ADGRB3: variants seen among roughly 807,000 people sequenced by gnomAD.
The protein encoded by ADGRB3 is brain-specific angiogenesis inhibitor 3.
A neutral mutation model predicts 193.4 loss-of-function variants in ADGRB3; 37 were observed. That is an observed-to-expected ratio of 0.19 (90% CI 0.15 to 0.25). The LOEUF (loss-of-function observed/expected upper bound fraction) is 0.25, where lower values mean the gene tolerates loss of function less well. ADGRB3 is among the 10% of genes least tolerant of loss of function. The pLI is 1.00. For synonymous variants in ADGRB3, 690 were observed against 644.2 expected (o/e 1.07, Z -1.08); for missense variants, 1,637 against 1,852.9 (o/e 0.88, Z 2.14).
At chr6:68,815,175 G>A (rs1213901663) in intron 3 of ADGRB3, among the ~76,000 whole-genome samples, 2 of 152,118 alleles carry the variant, frequency 1.3e-5, no homozygotes, top group Admixed American at 1.3e-4. Flanking sequence ...AAGGCAGTTA[G>A]TTTCCCAGTC....
rs12192643 is a variant in ADGRB3 at position 68,836,872 on chromosome 6, T to G, written c.758-93687T>G. Among the ~76,000 whole-genome samples, 1,329 of 152,316 alleles carry G rather than the reference T, an allele frequency of 8.7e-3. 13 individuals are homozygous for G. The highest frequency in any genetic ancestry group is 0.015 in the Non-Finnish European group (997 of 68,024). The stretch of plus-strand genomic sequence containing the variant: ...AAATGTGAAGGTGGAATGAAGTTAT[T>G]CATGAAAATATGATGCATGGAACTT... On this transcript the variant is annotated intron_variant, in intron 3 of 31. Transcript: ENST00000370598.
intron 20 of ADGRB3, among the ~76,000 whole-genome samples, chr6:69,261,811 G>A (rs888531713): frequency 5.9e-5 from 9 of 151,896 alleles, no homozygotes; most frequent in African/African-American, 1.4e-4. Context: ...GGTAGATACC[G>A]AAATATGACC....
chr6:69,291,617 A>G (rs1767683786), intron 20 of ADGRB3, among the ~76,000 whole-genome samples: 2 of 152,140 alleles, frequency 1.3e-5, no homozygotes, highest in Admixed American at 6.5e-5. Context: ...CATTTTCTAT[A>G]TTCCTTAACC....
At chr6:68,966,095 G>A (rs1472988227) in intron 8 of ADGRB3, among the ~76,000 whole-genome samples, 1 of 151,974 alleles carries the variant, frequency 6.6e-6, no homozygotes, top group East Asian at 1.9e-4. Context: ...TCAGGGTCTC[G>A]CTAGCACATA....
chr6:68,993,755 T>C lies in ADGRB3; in HGVS notation c.1735-13T>C, dbSNP rs1769305345. ...AGATTCTGATGTTTGCTCTGTTCTTTTGACCATCACAGATTAAAGAGCACC... is the reference window on the plus strand; with the variant it reads ...AGATTCTGATGTTTGCTCTGTTCTTCTGACCATCACAGATTAAAGAGCACC... On this transcript the variant is annotated splice_polypyrimidine_tract_variant and intron_variant, in intron 10 of 31. Coordinates refer to ENST00000370598, the MANE Select transcript of ADGRB3 (RefSeq NM_001704.3). The C allele has an allele frequency of 6.2e-7, 1 of 1,607,226 alleles. No homozygotes were observed. Among genetic ancestry groups the C allele is most frequent in the South Asian group, 1.1e-5 (1 of 90,422 alleles).
rs1388412802 is a variant in ADGRB3, at chr6:68,635,397, T to C, written c.-791T>C. Reference sequence around the variant, plus strand: ...CGACATCACCAGCCAAGGATTTTTTTCCCCGCTCTCCTTAGTCGCCGTCCG... The same window carrying C: ...CGACATCACCAGCCAAGGATTTTTTCCCCCGCTCTCCTTAGTCGCCGTCCG... On this transcript the variant is annotated 5_prime_UTR_variant, in exon 1 of 32. Coordinates refer to ENST00000370598, the MANE Select transcript of ADGRB3 (RefSeq NM_001704.3). 6.6e-6 allele frequency: 1 copy of C among 152,144 alleles called. No homozygotes were observed. The highest frequency in any genetic ancestry group is 2.4e-5 in the African/African-American group (1 of 41,336). The allele number at this position is 152,144 out of a possible 1,614,324, so 9.4% of individuals were successfully genotyped here. A position where few individuals can be genotyped will look rare whatever the true frequency, so the allele number is the denominator to read the frequency against.
intron 19 of ADGRB3, among the ~76,000 whole-genome samples, chr6:69,236,448 G>A (rs1276049587): frequency 2.0e-5 from 3 of 151,900 alleles, no homozygotes; most frequent in East Asian, 3.9e-4. Flanking sequence ...AGAATCTTGG[G>A]TTCAGGGCTC....
intron 17 of ADGRB3, among the ~76,000 whole-genome samples, chr6:69,141,081 G>A (rs1774323470): frequency 6.8e-6 from 1 of 146,380 alleles, no homozygotes; most frequent in Non-Finnish European, 1.5e-5. Flanking sequence ...GTGAAAGAAA[G>A]AAGACAGGAA....
At position 69,219,461 on chromosome 6, in the gene ADGRB3, G is replaced by GTGTATATATATATATATA. The variant is rs1491200940; in HGVS notation, c.2481-13828_2481-13827insGTATATATATATATATAT. On this transcript the variant is annotated intron_variant, in intron 17 of 31. Coordinates refer to ENST00000370598, the MANE Select transcript of ADGRB3 (RefSeq NM_001704.3). Reference sequence around the variant, plus strand: ...CTTTAACTTAAAAATACACACACACGTATATATATATATATATATATATAT... The same window carrying GTGTATATATATATATATA: ...CTTTAACTTAAAAATACACACACACGTGTATATATATATATATATATATATATATATATATATATATAT... Among the ~76,000 whole-genome samples the GTGTATATATATATATATA allele has an allele frequency of 1.0e-4, 10 of 98,962 alleles. 1 individual carries two copies. Among genetic ancestry groups the GTGTATATATATATATATA allele is most frequent in the African/African-American group, 2.2e-4 (7 of 31,224 alleles). 64.9% of individuals were successfully genotyped at this position (98,962 alleles called of 152,430 possible). A position where few individuals can be genotyped will look rare whatever the true frequency, so the allele number is the denominator to read the frequency against.
intron 3 of ADGRB3, among the ~76,000 whole-genome samples, chr6:68,749,439 T>TGTGTGA: frequency 6.6e-6 from 1 of 151,546 alleles, no homozygotes; most frequent in Non-Finnish European, 1.5e-5. Context: ...TGTGTGTGTG[T>TGTGTGA]GTGTGTGTAT....
intron 17 of ADGRB3, among the ~76,000 whole-genome samples, chr6:69,114,210 T>C (rs1308347420): frequency 6.6e-6 from 1 of 152,160 alleles, no homozygotes. Flanking sequence ...ATTTTACAGA[T>C]AGAAAACCTG....
intron 26 of ADGRB3, among the ~76,000 whole-genome samples, chr6:69,352,163 T>A (rs1474155328): frequency 6.6e-6 from 1 of 152,190 alleles, no homozygotes; most frequent in African/African-American, 2.4e-5. Flanking sequence ...ATAGAAAAAG[T>A]AATGATCTGA....
At chr6:68,786,768 G>A (rs1016441413) in intron 3 of ADGRB3, among the ~76,000 whole-genome samples, 1 of 151,230 alleles carries the variant, frequency 6.6e-6, no homozygotes, top group African/African-American at 2.4e-5. Flanking sequence ...TCACGATATT[G>A]ATTCTTCCTA....
chr6:68,689,962 C>T (rs1765043791), intron 3 of ADGRB3, among the ~76,000 whole-genome samples: 1 of 152,134 alleles, frequency 6.6e-6, no homozygotes, highest in African/African-American at 2.4e-5. Flanking sequence ...CTCACAACTC[C>T]TGCATCAATA....
intron 17 of ADGRB3, among the ~76,000 whole-genome samples, chr6:69,191,958 G>A (rs1765197797): frequency 6.6e-6 from 1 of 152,070 alleles, no homozygotes; most frequent in Non-Finnish European, 1.5e-5. Context: ...AGACTGAGGG[G>A]AGTGAAGGAA....
intron 3 of ADGRB3, among the ~76,000 whole-genome samples, chr6:68,730,026 A>G (rs150324338): frequency 8.0e-4 from 122 of 151,714 alleles, no homozygotes; most frequent in Admixed American, 1.9e-3. Flanking sequence ...ATTTTATTCA[A>G]TCTGCTTACT....
intron 17 of ADGRB3, among the ~76,000 whole-genome samples, chr6:69,209,487 C>A (rs772757229): frequency 1.3e-5 from 2 of 152,178 alleles, no homozygotes; most frequent in Non-Finnish European, 1.5e-5. Context: ...ACCAGTAAGT[C>A]CAGTGTGTTT....
chr6:69,152,102 C>G (rs1440432069), intron 17 of ADGRB3, among the ~76,000 whole-genome samples: 1 of 152,210 alleles, frequency 6.6e-6, no homozygotes, highest in Non-Finnish European at 1.5e-5. Context: ...ATAAATTACC[C>G]AGTCTTAGTA....
chr6:69,182,949 A>G (rs913036677), intron 17 of ADGRB3, among the ~76,000 whole-genome samples: 9 of 152,078 alleles, frequency 5.9e-5, no homozygotes, highest in Admixed American at 5.2e-4. Context: ...AAGCATGTCA[A>G]TCTTGTTTTT....
Sources: gnomAD v4.1 joint callset for allele counts (sites outside exome capture counted in the v4.1 genomes callset) on GRCh38, gnomAD v4.1.1 for gene constraint, MANE v1.5 for transcripts, NCBI Gene and HGNC (gene_info 2026-07-23, HGNC 2026-07-21) for gene names.